The following BDH2 variants were observed in gnomAD, a reference collection of about 807,000 sequenced individuals.
The protein encoded by BDH2 is dehydrogenase/reductase SDR family member 6.
A neutral mutation model predicts 33.2 loss-of-function variants in BDH2; 24 were observed. That is an observed-to-expected ratio of 0.72 (90% CI 0.52 to 1.02). BDH2 has a LOEUF of 1.02. BDH2 is among the 50% of genes least tolerant of loss of function. The probability of loss-of-function intolerance (pLI) is 0.00; values close to 1 mark genes in which losing one functional copy is unlikely to be tolerated. For synonymous variants in BDH2, 81 were observed against 101.6 expected, an observed-to-expected ratio of 0.80 and a Z score of 1.22; for missense variants, 249 against 301.6, an observed-to-expected ratio of 0.83 and a Z score of 1.29.
intron 3 of BDH2, 85 bp from the exon 4 acceptor site, chr4:103,092,781 G>A (rs759846304): frequency 2.2e-4 from 200 of 929,996 alleles, no homozygotes; most frequent in Admixed American, 3.3e-4. Flanking sequence ...TGTGAAGATT[G>A]CAACATCTAT....
intron 3 of BDH2, among the ~76,000 whole-genome samples, chr4:103,094,154 T>A (rs551040296): frequency 1.3e-5 from 2 of 152,314 alleles, no homozygotes. Context: ...TCTTAGGGTT[T>A]CTCATGATGA....
intron 6 of BDH2, 197 bp from the exon 7 acceptor site, chr4:103,085,659 G>A: frequency 6.7e-7 from 1 of 1,499,016 alleles, no homozygotes; most frequent in Non-Finnish European, 8.9e-7. Context: ...ATCAGTATAG[G>A]CACAACTTAA....
chr4:103,084,906 T>C (rs1252671509), intron 7 of BDH2, among the ~76,000 whole-genome samples: 1 of 143,164 alleles, frequency 7.0e-6, no homozygotes, highest in East Asian at 2.0e-4. Flanking sequence ...TGTTTCCCTT[T>C]CACACACCAC....
chr4:103,084,787 A>G (rs1236317189), intron 7 of BDH2, among the ~76,000 whole-genome samples: 1 of 152,200 alleles, frequency 6.6e-6, no homozygotes, highest in African/African-American at 2.4e-5. Flanking sequence ...TGAAGATTCA[A>G]TCAGAATCTC....
intron 1 of BDH2, chr4:103,098,832 T>TA (rs1748525700): frequency 6.6e-6 from 1 of 152,172 alleles, no homozygotes; most frequent in African/African-American, 2.4e-5. Context: ...TTTAATTCTA[T>TA]CTTGGAGTCT....
rs774941848 is a variant in BDH2, at chr4:103,086,515, A to C, written c.383T>G (p.Ile128Ser). The change falls in exon 6 of 10, where the codon ATT (isoleucine) becomes AGT (serine). Residue 128 changes from isoleucine (I) to serine (S), a missense_variant. By Grantham distance (142) the Ile-to-Ser change is moderately radical (BLOSUM62 -2). Coordinates refer to ENST00000296424, the MANE Select transcript of BDH2 (RefSeq NM_020139.4). ...GGAAGCCACAGAAGACATGTTGATAATATTGCCAGATTTCTGAGCAAGCAT... is the reference window on the plus strand; with the variant it reads ...GGAAGCCACAGAAGACATGTTGATACTATTGCCAGATTTCTGAGCAAGCAT... ...PKMLAQKSGN[I>S]INMSSVASSV... 5.0e-6 allele frequency: 8 copies of C among 1,611,760 alleles called. No individual in the cohort carries two copies. Among genetic ancestry groups the C allele is most frequent in the Non-Finnish European group, 5.1e-6 (6 of 1,179,290 alleles).
intron 5 of BDH2, among the ~76,000 whole-genome samples, chr4:103,090,309 A>G (rs1748018321): frequency 6.6e-6 from 1 of 152,254 alleles, no homozygotes; most frequent in South Asian, 2.1e-4. Flanking sequence ...ACCAAGAGGT[A>G]CTTAATGCTA....
At chr4:103,092,861 A>C in intron 3 of BDH2, 165 bp from the exon 4 acceptor site, 1 of 651,904 alleles carries the variant, frequency 1.5e-6, no homozygotes, top group Non-Finnish European at 2.8e-6. Context: ...TCATTAGTAA[A>C]CTTAAAGTCC....
chr4:103,081,496 A>C (rs1747525027), intron 9 of BDH2, among the ~76,000 whole-genome samples: 1 of 152,138 alleles, frequency 6.6e-6, no homozygotes, highest in African/African-American at 2.4e-5. Flanking sequence ...AGGTTTCACC[A>C]TGTTGGTCAG....
rs1747375596 is a variant in BDH2 at position 103,078,880 on chromosome 4, G to C, written c.*822C>G. Among the ~76,000 whole-genome samples, 1 of 152,030 alleles carries C rather than the reference G, an allele frequency of 6.6e-6. No homozygotes were observed. Among genetic ancestry groups the C allele is most frequent in the South Asian group, 2.1e-4 (1 of 4,824 alleles). On this transcript the variant is annotated 3_prime_UTR_variant, in exon 10 of 10. Transcript: ENST00000296424. ...AAGTAATCCTCCTGCCTTAGCCTCT[G>C]TTAACCATGCTGGTCCTGAACTCCT...
chr4:103,082,235 C>G (rs892751437), intron 8 of BDH2, 62 bp from the exon 9 acceptor site: 1 of 1,425,782 alleles, frequency 7.0e-7, no homozygotes, highest in African/African-American at 1.4e-5. Flanking sequence ...TCACCTGCAT[C>G]TTGTTCAAGG....
chr4:103,085,785 A>G (rs1171773293), intron 6 of BDH2: 1 of 1,315,408 alleles, frequency 7.6e-7, no homozygotes, highest in East Asian at 5.0e-5. Context: ...ATAACAAAAC[A>G]AAACAATAAA....
At chr4:103,084,391 T>C (rs1191988386) in intron 7 of BDH2, among the ~76,000 whole-genome samples, 1 of 152,190 alleles carries the variant, frequency 6.6e-6, no homozygotes, top group African/African-American at 2.4e-5. Flanking sequence ...TATACAACCA[T>C]CAGCAGCATC....
chr4:103,085,172 T>C (rs2110699089), intron 7 of BDH2, among the ~76,000 whole-genome samples, 177 bp downstream of exon 7: 1 of 152,310 alleles, frequency 6.6e-6, no homozygotes, highest in East Asian at 1.9e-4. Flanking sequence ...ACACCTTTCT[T>C]GGTAAAGAGG....
intron 4 of BDH2, among the ~76,000 whole-genome samples, 178 bp from the exon 5 acceptor site, chr4:103,091,463 A>G (rs1748084707): frequency 6.6e-6 from 1 of 152,208 alleles, no homozygotes; most frequent in African/African-American, 2.4e-5. Flanking sequence ...CAACAACTTA[A>G]GCTAGAAATG....
In BDH2 at chr4:103,095,294, A is replaced by G. The variant is rs1393140369; in HGVS notation, c.73-13T>C. 8 of 1,602,246 alleles carry G rather than the reference A, an allele frequency of 5.0e-6. No individual in the cohort carries two copies. Among genetic ancestry groups the G allele is most frequent in the Non-Finnish European group, 6.8e-6 (8 of 1,169,528 alleles). The stretch of plus-strand genomic sequence containing the variant: ...CTCTTGCAAAAGCCTAGTAGACACA[A>G]AGTACAAATAAATCCTTTGTTTACT... On this transcript the variant is annotated splice_polypyrimidine_tract_variant and intron_variant, in intron 2 of 9. Transcript: ENST00000296424.
In BDH2 at chr4:103,078,572, A is replaced by T. The variant is rs1294293407; in HGVS notation, c.*1130T>A. On this transcript the variant is annotated 3_prime_UTR_variant, in exon 10 of 10. Coordinates refer to ENST00000296424, the MANE Select transcript of BDH2 (RefSeq NM_020139.4). ...AAGTATAAACACTGGATTATTTTTC[A>T]TAACATAACAGGTCAACAATATCGT... Among the ~76,000 whole-genome samples the T allele has an allele frequency of 6.6e-6, 1 of 152,158 alleles. No individual in the cohort carries two copies. Among genetic ancestry groups the T allele is most frequent in the African/African-American group, 2.4e-5 (1 of 41,462 alleles).
At chr4:103,086,403 A>G in intron 6 of BDH2, 77 bp downstream of exon 6, 1 of 1,532,454 alleles carries the variant, frequency 6.5e-7, no homozygotes, top group East Asian at 2.3e-5. Context: ...AATCTCTGCT[A>G]TGCCTGTTCC....
rs570908801 is a variant in BDH2 at position 103,091,539 on chromosome 4, A to G, written c.249-254T>C. ...GGTCACCGAACATAAGAAGCTTTAT[A>G]TTAATTGTGCTGGAAACATCAATGC... On this transcript the variant is annotated intron_variant, in intron 4 of 9. Coordinates refer to ENST00000296424, the MANE Select transcript of BDH2 (RefSeq NM_020139.4). The G allele has an allele frequency of 1.6e-4, 63 of 398,706 alleles. 1 individual carries two copies. Among genetic ancestry groups the G allele is most frequent in the Admixed American group, 7.4e-5 (2 of 27,136 alleles). 24.7% of individuals were successfully genotyped at this position (398,706 alleles called of 1,614,324 possible). A position where few individuals can be genotyped will look rare whatever the true frequency, so the allele number is the denominator to read the frequency against.
Sources: allele counts gnomAD v4.1 joint callset (sites outside exome capture counted in the v4.1 genomes callset), GRCh38; gene constraint gnomAD v4.1.1; transcripts MANE v1.5; gene names NCBI Gene and HGNC (gene_info 2026-07-23, HGNC 2026-07-21).